SPAG16: variants seen among roughly 807,000 people sequenced by gnomAD.
The protein encoded by SPAG16 is sperm associated antigen 16, also known as sperm-associated antigen 16 protein.
SPAG16 carries 86 observed loss-of-function variants against 80.4 expected under a neutral mutation model. The ratio of observed to expected loss-of-function variants is 1.07; its 90% CI spans 0.90 to 1.28. SPAG16 has a LOEUF of 1.28. Ranked by LOEUF, SPAG16 falls within the 50% of genes most tolerant of loss-of-function variation. The pLI is 0.00. For missense variants in SPAG16, 870 were observed against 765.3 expected, an observed-to-expected ratio of 1.14 and a Z score of -1.61; for synonymous variants, 294 against 265.9, an observed-to-expected ratio of 1.11 and a Z score of -1.03.
chr2:213,436,780 CTTCTCTT>C (rs2070662348), intron 9 of SPAG16, among the ~76,000 whole-genome samples: 1 of 151,946 alleles, frequency 6.6e-6, no homozygotes, highest in African/African-American at 2.4e-5. Context: ...TTCTAAATTT[CTTCTCTT>C]TTATGGGAAC....
At chr2:214,111,508 G>A (rs148199037) in intron 14 of SPAG16, among the ~76,000 whole-genome samples, 62,351 of 151,986 alleles carry the variant, frequency 0.41, 13,991 homozygotes, top group South Asian at 0.52. Context: ...TTTGATACTA[G>A]TACCATGCTC....
intron 13 of SPAG16, among the ~76,000 whole-genome samples, chr2:214,096,341 T>C (rs1452123607): frequency 6.6e-6 from 1 of 152,040 alleles, no homozygotes; most frequent in East Asian, 1.9e-4. Flanking sequence ...TTTGGTTCAT[T>C]TGATGCTGCC....
chr2:214,010,541 G>A (rs1031382535), intron 12 of SPAG16, among the ~76,000 whole-genome samples: 2 of 146,466 alleles, frequency 1.4e-5, no homozygotes, highest in Admixed American at 6.7e-5. Context: ...AACAGCAAAC[G>A]AACCCCAAAG....
intron 11 of SPAG16, among the ~76,000 whole-genome samples, chr2:213,892,426 A>C (rs546056166): frequency 6.6e-6 from 1 of 152,204 alleles, no homozygotes; most frequent in African/African-American, 2.4e-5. Flanking sequence ...AAATAATAGC[A>C]AACAGGAAAC....
At chr2:213,908,196 T>G (rs985581254) in intron 11 of SPAG16, among the ~76,000 whole-genome samples, 1 of 135,106 alleles carries the variant, frequency 7.4e-6, no homozygotes, top group Non-Finnish European at 1.6e-5. Flanking sequence ...AGTAAGCAAC[T>G]GACCCAGGTG....
chr2:214,299,631 G>A, intron 15 of SPAG16, among the ~76,000 whole-genome samples: 1 of 152,100 alleles, frequency 6.6e-6, no homozygotes, highest in East Asian at 1.9e-4. Context: ...GGCAAAGTAA[G>A]TTTTAATCTT....
intron 15 of SPAG16, among the ~76,000 whole-genome samples, chr2:214,355,323 AAG>A (rs1279678336): frequency 5.0e-4 from 4 of 8,040 alleles, no homozygotes; most frequent in Middle Eastern, 0.25. Flanking sequence ...ACAAATTTAC[AAG>A]AAAAAAAAAA....
At chr2:213,421,465 A>G (rs1050578894) in intron 9 of SPAG16, among the ~76,000 whole-genome samples, 2 of 152,186 alleles carry the variant, frequency 1.3e-5, no homozygotes, top group African/African-American at 4.8e-5. Context: ...TGACATGTAG[A>G]TGGTGGCAGG....
At chr2:214,254,709 T>C (rs1310823817) in intron 15 of SPAG16, among the ~76,000 whole-genome samples, 1 of 152,070 alleles carries the variant, frequency 6.6e-6, no homozygotes, top group Non-Finnish European at 1.5e-5. Context: ...GATGTAAAAC[T>C]TAGGTGTTAC....
At chr2:214,206,212 T>C (rs2058141191) in intron 15 of SPAG16, among the ~76,000 whole-genome samples, 1 of 152,092 alleles carries the variant, frequency 6.6e-6, no homozygotes, top group African/African-American at 2.4e-5. Context: ...CTATTGAACT[T>C]ACAACTAATT....
At chr2:214,270,882 G>T (rs868349519) in intron 15 of SPAG16, among the ~76,000 whole-genome samples, 2 of 152,078 alleles carry the variant, frequency 1.3e-5, no homozygotes, top group Non-Finnish European at 2.9e-5. Context: ...TCACAATAAT[G>T]ATCATATTCA....
At chr2:214,226,146 C>T (rs964303621) in intron 15 of SPAG16, among the ~76,000 whole-genome samples, 1 of 152,112 alleles carries the variant, frequency 6.6e-6, no homozygotes, top group Non-Finnish European at 1.5e-5. Flanking sequence ...TCTCATAAGT[C>T]TCAATGGATC....
chr2:213,428,190 G>C (rs2070064323), intron 9 of SPAG16, among the ~76,000 whole-genome samples: 1 of 152,200 alleles, frequency 6.6e-6, no homozygotes, highest in South Asian at 2.1e-4. Flanking sequence ...TGGGCAGCCT[G>C]TGTGGTGGTG....
At chr2:213,703,151 C>G (rs1267250749) in intron 10 of SPAG16, among the ~76,000 whole-genome samples, 2 of 152,156 alleles carry the variant, frequency 1.3e-5, no homozygotes, top group Non-Finnish European at 2.9e-5. Context: ...GATGACATGA[C>G]AGAGCTGCAG....
intron 10 of SPAG16, among the ~76,000 whole-genome samples, chr2:213,530,933 A>C (rs890501192): frequency 6.6e-6 from 1 of 152,140 alleles, no homozygotes; most frequent in Non-Finnish European, 1.5e-5. Flanking sequence ...CTTCTTGCTT[A>C]AATAAGAAAA....
rs187016647 is a variant in SPAG16, at chr2:213,339,571, T to G, written c.537-592T>G. 4.6e-4 allele frequency among the ~76,000 whole-genome samples: 70 copies of G among 152,272 alleles called. 1 individual carries two copies. The highest frequency in any genetic ancestry group is 2.9e-5 in the Non-Finnish European group (2 of 68,016). ...CAGAAGATATATCAAGTTGAAAAAT[T>G]TTTCTGTATTACAGCACTGATATTG... is the stretch of plus-strand genomic sequence containing the variant. On this transcript the variant is annotated intron_variant, in intron 5 of 15. Transcript: ENST00000331683.
chr2:214,071,618 T>G (rs530047765), intron 13 of SPAG16, among the ~76,000 whole-genome samples: 1 of 152,272 alleles, frequency 6.6e-6, no homozygotes, highest in African/African-American at 2.4e-5. Context: ...CTGGTGGATG[T>G]CTCCATGTTT....
chr2:213,757,442 T>C (rs2068404028), intron 10 of SPAG16, among the ~76,000 whole-genome samples: 1 of 152,060 alleles, frequency 6.6e-6, no homozygotes, highest in Admixed American at 6.6e-5. Flanking sequence ...ACTTCCTGAC[T>C]TCAAAGGATA....
intron 10 of SPAG16, among the ~76,000 whole-genome samples, chr2:213,515,650 G>A (rs541989349): frequency 6.6e-6 from 1 of 152,080 alleles, no homozygotes; most frequent in African/African-American, 2.4e-5. Flanking sequence ...AGGAGATGGG[G>A]GAGTTTAAAA....
Sources: gnomAD v4.1 joint callset for allele counts (sites outside exome capture counted in the v4.1 genomes callset) on GRCh38, gnomAD v4.1.1 for gene constraint, MANE v1.5 for transcripts, NCBI Gene and HGNC (gene_info 2026-07-23, HGNC 2026-07-21) for gene names.